The following CSMD1 variants were observed in gnomAD, a reference collection of about 807,000 sequenced individuals.
CSMD1 encodes the protein CUB and sushi domain-containing protein 1.
In CSMD1, 213 loss-of-function variants were observed where a neutral mutation model predicts 417.5. The ratio of observed to expected loss-of-function variants is 0.51; its 90% confidence interval spans 0.46 to 0.57. CSMD1 has a LOEUF of 0.57. Among genes scored for constraint, CSMD1 ranks in the 20% least tolerant of loss-of-function variants. The pLI, the probability that CSMD1 is intolerant of heterozygous loss-of-function variation, is 0.00. For missense variants in CSMD1, 6,923 were observed against 4,529.7 expected (o/e 1.53, Z -15.17); for synonymous variants, 2,862 against 1,736.8 (o/e 1.65, Z -16.11).
intron 3 of CSMD1, among the ~76,000 whole-genome samples, chr8:4,075,882 G>A (rs1799795600): frequency 6.6e-6 from 1 of 152,056 alleles, no homozygotes; most frequent in Non-Finnish European, 1.5e-5. Flanking sequence ...TTCTAGCCCA[G>A]AAATTATAAT....
chr8:3,507,059 G>A (rs75587564), intron 10 of CSMD1, among the ~76,000 whole-genome samples: 1 of 152,052 alleles, frequency 6.6e-6, no homozygotes, highest in Non-Finnish European at 1.5e-5. Flanking sequence ...CTAACATAGA[G>A]CTTGGTGTCA....
rs185948944 is a variant in CSMD1, at chr8:3,256,310, A to G, written c.4154-26079T>C. ...TGACAGAGCAAGACTAAGTCTCAAG[A>G]AAAAAAAAAAAAAAAGAGAAGAAAG... On this transcript the variant is annotated intron_variant, in intron 26 of 69. Coordinates refer to ENST00000635120, the MANE Select transcript of CSMD1 (RefSeq NM_033225.6). 1.3e-3 allele frequency among the ~76,000 whole-genome samples: 44 copies of G among 34,898 alleles called. 1 individual carries two copies. Among genetic ancestry groups the G allele is most frequent in the Non-Finnish European group, 1.7e-3 (21 of 12,196 alleles). 22.9% of individuals were successfully genotyped at this position (34,898 alleles called of 152,430 possible).
intron 2 of CSMD1, among the ~76,000 whole-genome samples, chr8:4,433,931 A>C (rs1050346627): frequency 3.3e-5 from 5 of 152,306 alleles, no homozygotes; most frequent in Non-Finnish European, 7.4e-5. Context: ...AAAAAGGGGG[A>C]AACTTGTAGA....
At chr8:3,747,089 G>C (rs150491281) in intron 6 of CSMD1, among the ~76,000 whole-genome samples, 61 of 152,344 alleles carry the variant, frequency 4.0e-4, no homozygotes, top group African/African-American at 1.5e-3. Flanking sequence ...AGTGGGAGCA[G>C]TATGACAAGT....
chr8:4,296,926 T>C (rs1040325999), intron 3 of CSMD1, among the ~76,000 whole-genome samples: 6 of 152,098 alleles, frequency 3.9e-5, no homozygotes, highest in African/African-American at 1.4e-4. Context: ...GCATGAGTGA[T>C]GGACAATGGT....
At chr8:3,253,101 G>T (rs993993908) in intron 26 of CSMD1, among the ~76,000 whole-genome samples, 2 of 152,096 alleles carry the variant, frequency 1.3e-5, no homozygotes, top group African/African-American at 4.8e-5. Flanking sequence ...TGGTTCTCCA[G>T]TTCTTTTAAT....
chr8:3,439,279 C>G, intron 12 of CSMD1, among the ~76,000 whole-genome samples: 1 of 51,330 alleles, frequency 1.9e-5, no homozygotes, highest in African/African-American at 8.7e-5. Flanking sequence ...TTGGCAATGT[C>G]AGTATATATA....
chr8:3,855,360 T>G (rs1197965679), intron 5 of CSMD1, among the ~76,000 whole-genome samples: 1 of 152,178 alleles, frequency 6.6e-6, no homozygotes, highest in Non-Finnish European at 1.5e-5. Flanking sequence ...ATCCTAATTT[T>G]AATTTGCTAG....
intron 1 of CSMD1, among the ~76,000 whole-genome samples, chr8:4,742,153 C>T (rs1218338352): frequency 1.3e-5 from 2 of 150,916 alleles, no homozygotes; most frequent in African/African-American, 4.9e-5. Flanking sequence ...GCCTCAGCCT[C>T]CCGAGTAGCT....
intron 3 of CSMD1, among the ~76,000 whole-genome samples, chr8:4,101,203 G>C (rs1218675321): frequency 6.6e-6 from 1 of 152,158 alleles, no homozygotes; most frequent in Non-Finnish European, 1.5e-5. Flanking sequence ...CTACATACAC[G>C]TATGAATTCT....
chr8:3,272,685 T>A (rs1359146640), intron 26 of CSMD1, among the ~76,000 whole-genome samples: 2 of 139,652 alleles, frequency 1.4e-5, no homozygotes. Flanking sequence ...TTTATTCTCT[T>A]CGAAGCAATT....
intron 5 of CSMD1, among the ~76,000 whole-genome samples, chr8:3,841,468 A>C (rs993671996): frequency 6.6e-6 from 1 of 152,134 alleles, no homozygotes; most frequent in African/African-American, 2.4e-5. Context: ...AAGACCAAGC[A>C]CTGCATTCCC....
intron 2 of CSMD1, among the ~76,000 whole-genome samples, chr8:4,516,444 A>T (rs114805287): frequency 2.2e-4 from 34 of 152,208 alleles, no homozygotes; most frequent in African/African-American, 8.2e-4. Flanking sequence ...TGCCCCAGAG[A>T]CGCCTCACCC....
At chr8:3,656,584 G>A (rs187733442) in intron 7 of CSMD1, among the ~76,000 whole-genome samples, 4 of 152,112 alleles carry the variant, frequency 2.6e-5, no homozygotes, top group South Asian at 2.1e-4. Flanking sequence ...GTTTTCTTAC[G>A]AAGCCCTTTA....
At chr8:4,496,414 A>G (rs574485441) in intron 2 of CSMD1, among the ~76,000 whole-genome samples, 2 of 152,320 alleles carry the variant, frequency 1.3e-5, no homozygotes, top group African/African-American at 4.8e-5. Context: ...TTCATGTGCC[A>G]TCTCAGAAAG....
chr8:3,859,154 G>T (rs1044444267), intron 5 of CSMD1, among the ~76,000 whole-genome samples: 1 of 152,164 alleles, frequency 6.6e-6, no homozygotes, highest in Non-Finnish European at 1.5e-5. Flanking sequence ...CACAGGCATA[G>T]CACTGTGCCA....
chr8:3,980,182 T>C (rs1357859884), intron 5 of CSMD1, among the ~76,000 whole-genome samples: 3 of 152,364 alleles, frequency 2.0e-5, no homozygotes, highest in Non-Finnish European at 4.4e-5. Flanking sequence ...CACAATGTTA[T>C]CACTTTTCAC....
At chr8:4,218,475 C>A (rs117115332) in intron 3 of CSMD1, among the ~76,000 whole-genome samples, 19 of 152,184 alleles carry the variant, frequency 1.2e-4, no homozygotes, top group African/African-American at 4.6e-4. Flanking sequence ...GTCTCAACCT[C>A]CACTTGCTGT....
intron 3 of CSMD1, among the ~76,000 whole-genome samples, chr8:4,035,921 G>C (rs1386753860): frequency 6.6e-6 from 1 of 152,156 alleles, no homozygotes; most frequent in South Asian, 2.1e-4. Flanking sequence ...CTCACCCAGA[G>C]CAACTTCCAG....
Sources: allele counts gnomAD v4.1 joint callset (sites outside exome capture counted in the v4.1 genomes callset), GRCh38; gene constraint gnomAD v4.1.1; transcripts MANE v1.5; gene names NCBI Gene and HGNC (gene_info 2026-07-23, HGNC 2026-07-21).